Variants in AVEN observed in about 807,000 individuals in gnomAD.
AVEN encodes the protein cell death regulator Aven.
A neutral mutation model predicts 38.1 loss-of-function variants in AVEN; 41 were observed. That is an observed-to-expected ratio of 1.08 (90% CI 0.84 to 1.40). The LOEUF is 1.40. AVEN is among the 40% of genes most tolerant of loss of function. The probability of loss-of-function intolerance (pLI) is 0.00; values close to 1 mark genes in which losing one functional copy is unlikely to be tolerated. For missense variants in AVEN, 605 were observed against 438.8 expected (o/e 1.38, Z -3.38); for synonymous variants, 206 against 171.8 (o/e 1.20, Z -1.56).
At position 34,016,148 on chromosome 15, in the gene AVEN, C is replaced by T. The variant is rs1037382535; in HGVS notation, c.268-12939G>A. On this transcript the variant is annotated intron_variant, in intron 1 of 5. Coordinates refer to ENST00000306730, the MANE Select transcript of AVEN (RefSeq NM_020371.3). ...AAAATTAGCTGGGCATGGTGGTGCA[C>T]GCCTGTAATTCCAGCTACTCGGTTA... is the stretch of plus-strand genomic sequence containing the variant. Among the ~76,000 whole-genome samples the T allele has an allele frequency of 4.6e-5, 7 of 152,110 alleles. No homozygotes were observed. The South Asian group carries it at 1.2e-3, about 27-fold the overall frequency.
intron 2 of AVEN, chr15:33,971,925 T>C (rs1009452375): frequency 2.6e-5 from 4 of 152,128 alleles, no homozygotes; most frequent in South Asian, 2.1e-4. Flanking sequence ...TCACAATCTG[T>C]GACTGGGAAG....
the AVEN span, chr15:33,853,515 G>A: frequency 1.2e-6 from 2 of 1,600,196 alleles, no homozygotes; most frequent in East Asian, 2.2e-5. Flanking sequence ...ATTTGGTGGT[G>A]GCGTGTGGCC....
intron 1 of AVEN, among the ~76,000 whole-genome samples, chr15:34,073,998 T>TCTTC (rs973346615): frequency 1.5e-5 from 2 of 130,456 alleles, no homozygotes; most frequent in African/African-American, 6.3e-5. Flanking sequence ...TCTTTTTTTT[T>TCTTC]TTTTTTTTTT....
At chr15:33,958,434 CA>C (rs1313670048) in intron 2 of AVEN, among the ~76,000 whole-genome samples, 3 of 151,594 alleles carry the variant, frequency 2.0e-5, no homozygotes, top group African/African-American at 7.3e-5. Flanking sequence ...ACAACAACAA[CA>C]AAAAAATCAG....
chr15:34,035,735 A>T (rs1284084832), intron 1 of AVEN, among the ~76,000 whole-genome samples: 1 of 152,194 alleles, frequency 6.6e-6, no homozygotes, highest in African/African-American at 2.4e-5. Context: ...CATCACAAAG[A>T]TAAATACTAA....
downstream of AVEN, among the ~76,000 whole-genome samples, chr15:33,853,995 C>T (rs1463953626): frequency 6.6e-6 from 1 of 151,964 alleles, no homozygotes; most frequent in Non-Finnish European, 1.5e-5. Flanking sequence ...AGTTCGATAC[C>T]AGCCTGGCCA....
At chr15:33,953,126 C>A (rs529475087) in intron 2 of AVEN, among the ~76,000 whole-genome samples, 1 of 151,870 alleles carries the variant, frequency 6.6e-6, no homozygotes, top group South Asian at 2.1e-4. Context: ...CACTGCTCTA[C>A]GAAATAAAGA....
intron 2 of AVEN, among the ~76,000 whole-genome samples, chr15:33,976,760 C>T (rs931066633): frequency 6.6e-6 from 1 of 152,118 alleles, no homozygotes. Context: ...AGATGACCAG[C>T]TGAAATTTTT....
chr15:33,968,784 G>C (rs971466343), intron 2 of AVEN: 3 of 152,102 alleles, frequency 2.0e-5, no homozygotes, highest in African/African-American at 4.8e-5. Flanking sequence ...CGAACAAGCA[G>C]AACTTTTCCA....
At chr15:33,932,865 A>AT (rs71119904) in intron 2 of AVEN, among the ~76,000 whole-genome samples, 51 of 152,024 alleles carry the variant, frequency 3.4e-4, no homozygotes, top group South Asian at 1.2e-3. Context: ...AAATAAATAA[A>AT]AATTGTAGAT....
chr15:33,918,458 C>CTTTTTTTT (rs33928063), intron 2 of AVEN, among the ~76,000 whole-genome samples: 7 of 84,506 alleles, frequency 8.3e-5, no homozygotes, highest in East Asian at 3.9e-4. Flanking sequence ...TAAATTACAG[C>CTTTTTTTT]TTTTTTTTTT....
At chr15:34,013,737 T>C (rs1469785048) in intron 1 of AVEN, among the ~76,000 whole-genome samples, 1 of 151,376 alleles carries the variant, frequency 6.6e-6, no homozygotes, top group African/African-American at 2.4e-5. Flanking sequence ...ACATCACCAA[T>C]GGGGGAGAAG....
intron 1 of AVEN, among the ~76,000 whole-genome samples, chr15:34,019,546 A>C (rs1036804330): frequency 1.3e-5 from 2 of 152,172 alleles, no homozygotes; most frequent in African/African-American, 4.8e-5. Flanking sequence ...TCACTCACTG[A>C]CTCACTCAGA....
rs549882527 is a variant in AVEN at position 33,859,859 on chromosome 15, T to C, written n.2730-765A>G. On this transcript the variant is annotated intron_variant and non_coding_transcript_variant, in intron 11 of 11. Coordinates refer to the AVEN transcript ENST00000675287. ...ATTTACTTGTTAATTTAGCAAGAAC[T>C]AATTTAGCATCTACTATACCTGAGG... is the stretch of plus-strand genomic sequence containing the variant. 5.9e-6 allele frequency: 6 copies of C among 1,022,528 alleles called. No individual in the cohort carries two copies. The African/African-American group carries it at 9.7e-5, about 16-fold the overall frequency. The allele number at this position is 1,022,528 out of a possible 1,614,324, so 63.3% of individuals were successfully genotyped here. A position where few individuals can be genotyped will look rare whatever the true frequency, so the allele number is the denominator to read the frequency against.
At chr15:33,879,142 G>A (rs1212527667) in intron 2 of AVEN, among the ~76,000 whole-genome samples, 1 of 151,704 alleles carries the variant, frequency 6.6e-6, no homozygotes, top group Non-Finnish European at 1.5e-5. Flanking sequence ...GCAAAGACTT[G>A]GAACCAACCC....
At chr15:34,029,894 A>C (rs1811237975) in intron 1 of AVEN, among the ~76,000 whole-genome samples, 1 of 152,218 alleles carries the variant, frequency 6.6e-6, no homozygotes, top group African/African-American at 2.4e-5. Flanking sequence ...ATGATGTTGA[A>C]ACATTCTAGT....
At chr15:34,011,299 A>T (rs1180721130) in intron 1 of AVEN, among the ~76,000 whole-genome samples, 1 of 152,236 alleles carries the variant, frequency 6.6e-6, no homozygotes, top group Non-Finnish European at 1.5e-5. Context: ...TAAAACATTG[A>T]ATAAAAAAGG....
At chr15:33,864,220 A>G (rs764777228), downstream of AVEN, 3 of 1,555,308 alleles carry the variant, frequency 1.9e-6, no homozygotes, top group South Asian at 2.3e-5. Context: ...TACCCGTGTT[A>G]GATCTCCCTT....
intron 2 of AVEN, among the ~76,000 whole-genome samples, chr15:33,927,529 C>T (rs1893668565): frequency 6.6e-6 from 1 of 152,062 alleles, no homozygotes; most frequent in Non-Finnish European, 1.5e-5. Flanking sequence ...TATTTCTCTA[C>T]TGGAAGATAC....
Sources: gnomAD v4.1 joint callset for allele counts (sites outside exome capture counted in the v4.1 genomes callset) on GRCh38, gnomAD v4.1.1 for gene constraint, MANE v1.5 for transcripts, NCBI Gene and HGNC (gene_info 2026-07-23, HGNC 2026-07-21) for gene names.